PRR33: variants seen among roughly 807,000 people sequenced by gnomAD.
The protein encoded by PRR33 is proline-rich protein 33.
A neutral mutation model predicts 0.5 loss-of-function variants in PRR33; 1 was observed. That is an observed-to-expected ratio of 2.18 (90% CI 0.77 to 10.34). The LOEUF (loss-of-function observed/expected upper bound fraction) is 10.34. Ranked by LOEUF, PRR33 falls within the 30% of genes most tolerant of loss-of-function variation. The probability of loss-of-function intolerance (pLI) is 0.13; values close to 1 mark genes in which losing one functional copy is unlikely to be tolerated. For synonymous variants in PRR33, 226 were observed against 110.0 expected (o/e 2.06, Z -6.60); for missense variants, 552 against 251.8 (o/e 2.19, Z -8.07).
chr11:1,894,828 G>T (rs190855675), upstream of PRR33, among the ~76,000 whole-genome samples: 1 of 152,252 alleles, frequency 6.6e-6, no homozygotes, highest in Non-Finnish European at 1.5e-5. Flanking sequence ...TTGGGGAGAG[G>T]CCTAGAAATA....
chr11:1,895,281 T>TGCCC, upstream of PRR33, among the ~76,000 whole-genome samples: 1 of 152,102 alleles, frequency 6.6e-6, no homozygotes, highest in Non-Finnish European at 1.5e-5. Flanking sequence ...TACAGGCATT[T>TGCCC]GCCACCACGC....
chr11:1,905,310 A>G, the PRR33 span, among the ~76,000 whole-genome samples: 1 of 151,060 alleles, frequency 6.6e-6, no homozygotes, highest in African/African-American at 2.4e-5. Context: ...AAATTTTAAT[A>G]GAAACAGGTT....
At chr11:1,915,385 TTCTG>T in the PRR33 span, among the ~76,000 whole-genome samples, 17 of 149,056 alleles carry the variant, frequency 1.1e-4, no homozygotes, top group African/African-American at 4.0e-4. Context: ...GGGATGATGT[TTCTG>T]TGTGTGTGTG....
At chr11:1,896,613 C>T (rs989629322), upstream of PRR33, among the ~76,000 whole-genome samples, 2 of 152,118 alleles carry the variant, frequency 1.3e-5, no homozygotes, top group African/African-American at 4.8e-5. Context: ...TTTCCTTTCT[C>T]GTCTGTATGG....
At chr11:1,904,461 G>A in the PRR33 span, among the ~76,000 whole-genome samples, 5 of 152,076 alleles carry the variant, frequency 3.3e-5, no homozygotes, top group East Asian at 7.8e-4. Flanking sequence ...CCTGGTAGGC[G>A]GAGGTTGCAG....
At chr11:1,910,523 C>T in the PRR33 span, among the ~76,000 whole-genome samples, 1 of 152,232 alleles carries the variant, frequency 6.6e-6, no homozygotes, top group Non-Finnish European at 1.5e-5. Context: ...GTTGGGATTA[C>T]AGGCGTGAGC....
In PRR33 at chr11:1,890,049, G is replaced by T. The variant is rs1848927121; in HGVS notation, c.536C>A (p.Thr179Asn). The T allele has an allele frequency of 4.3e-6, 3 of 705,746 alleles. No homozygotes were observed. In the South Asian group the frequency reaches 4.5e-5, roughly 11 times the overall value. 43.7% of individuals were successfully genotyped at this position (705,746 alleles called of 1,614,324 possible). ...TGGTGCCAGCTGGATGTGCACCTGG[G>T]TGACGTGGGTGCCCCCACCCCCAGA... The change falls in exon 1 of 1, where the codon ACC becomes AAC. Residue 179 changes from threonine to asparagine, a missense_variant. Transcript: ENST00000640310.
At chr11:1,894,819 T>G (rs1244788803), upstream of PRR33, among the ~76,000 whole-genome samples, 2 of 152,090 alleles carry the variant, frequency 1.3e-5, no homozygotes, top group African/African-American at 4.8e-5. Flanking sequence ...CCTTTACTCT[T>G]GGGGAGAGGC....
upstream of PRR33, among the ~76,000 whole-genome samples, chr11:1,896,881 T>A (rs1849130806): frequency 6.6e-6 from 1 of 152,240 alleles, no homozygotes; most frequent in South Asian, 2.1e-4. Context: ...TTTTCTGTAC[T>A]GTTAAAAGAA....
exon 1 of PRR33, chr11:1,888,518 TG>T (rs1410045644): frequency 6.6e-6 from 1 of 152,256 alleles, no homozygotes; most frequent in African/African-American, 2.4e-5. Flanking sequence ...GAGGTCACGC[TG>T]GGCCCTCCTC....
upstream of PRR33, among the ~76,000 whole-genome samples, chr11:1,894,526 G>A (rs1849103174): frequency 6.6e-6 from 1 of 152,082 alleles, no homozygotes; most frequent in Non-Finnish European, 1.5e-5. Flanking sequence ...CATGAGCCCT[G>A]CACCCAAGGG....
At chr11:1,912,108 G>A in the PRR33 span, among the ~76,000 whole-genome samples, 1 of 151,570 alleles carries the variant, frequency 6.6e-6, no homozygotes. Flanking sequence ...AGGAGTTTGA[G>A]GCTGCAGTGA....
chr11:1,895,737 T>C (rs1849116902), upstream of PRR33, among the ~76,000 whole-genome samples: 1 of 152,230 alleles, frequency 6.6e-6, no homozygotes, highest in South Asian at 2.1e-4. Context: ...ATGCAAATTA[T>C]TCTTCTTTTT....
At chr11:1,894,924 A>G (rs1049218903), upstream of PRR33, among the ~76,000 whole-genome samples, 51 of 152,132 alleles carry the variant, frequency 3.4e-4, no homozygotes, top group African/African-American at 1.2e-3. Flanking sequence ...GGAATGGTTC[A>G]TCTCGCTGAC....
At chr11:1,915,501 G>A in the PRR33 span, among the ~76,000 whole-genome samples, 1 of 141,786 alleles carries the variant, frequency 7.1e-6, no homozygotes, top group Admixed American at 7.1e-5. Flanking sequence ...TTCTTTGTGT[G>A]TGTTGTGGGG....
the PRR33 span, among the ~76,000 whole-genome samples, chr11:1,912,515 A>T: frequency 1.3e-5 from 2 of 152,198 alleles, no homozygotes; most frequent in Non-Finnish European, 2.9e-5. Context: ...CTTTTCGTCG[A>T]CATTGCTTAT....
chr11:1,901,624 G>C, the PRR33 span, among the ~76,000 whole-genome samples: 2 of 152,268 alleles, frequency 1.3e-5, no homozygotes, highest in African/African-American at 4.8e-5. Flanking sequence ...ATAACTCTTA[G>C]GTGAAACAAG....
chr11:1,916,951 C>T, the PRR33 span, among the ~76,000 whole-genome samples: 1 of 152,234 alleles, frequency 6.6e-6, no homozygotes, highest in Admixed American at 6.5e-5. Context: ...CTCTGTCCTG[C>T]CTGCCAGAGC....
chr11:1,889,239 G>A, exon 1 of PRR33: 1 of 672,096 alleles, frequency 1.5e-6, no homozygotes, highest in Non-Finnish European at 2.8e-6. Context: ...GGGCCGGGTG[G>A]CCTCCTGCAG....
Sources: gnomAD v4.1 joint callset for allele counts (sites outside exome capture counted in the v4.1 genomes callset) on GRCh38, gnomAD v4.1.1 for gene constraint, MANE v1.5 for transcripts, NCBI Gene and HGNC (gene_info 2026-07-23, HGNC 2026-07-21) for gene names.